ZMYM6: variants seen among roughly 807,000 people sequenced by gnomAD.
ZMYM6 encodes the protein zinc finger MYM-type protein 6.
In ZMYM6, 90 loss-of-function variants were observed where a neutral mutation model predicts 134.0. The ratio of observed to expected loss-of-function variants is 0.67; its 90% confidence interval spans 0.57 to 0.80. The LOEUF (loss-of-function observed/expected upper bound fraction) is 0.80, where lower values mean the gene tolerates loss of function less well. ZMYM6 is among the 30% of genes least tolerant of loss of function. ZMYM6 has a pLI of 0.00. For missense variants in ZMYM6, 1,362 were observed against 1,533.9 expected (o/e 0.89, Z 1.87); for synonymous variants, 481 against 524.1 (o/e 0.92, Z 1.12).
Position 35,019,664 on chromosome 1 carries a change from C to CAG in ZMYM6, c.179-63_179-62insCT, listed in dbSNP as rs1641269877. 5 of 1,449,452 alleles carry CAG rather than the reference C, an allele frequency of 3.4e-6. No individual in the cohort carries two copies. The East Asian group carries it at 1.2e-4, about 35-fold the overall frequency. The allele number at this position is 1,449,452 out of a possible 1,614,324, so 89.8% of individuals were successfully genotyped here. On this transcript the variant is annotated intron_variant, in intron 3 of 15. Transcript: ENST00000357182. ...ACTAATGCATATACAGTCTCAGTCTCTCTCTCTCTCTCTCTTTTTTCTTTT... is the reference window on the plus strand; with the variant it reads ...ACTAATGCATATACAGTCTCAGTCTCAGTCTCTCTCTCTCTCTTTTTTCTTTT...
At chr1:35,011,108 C>G in intron 8 of ZMYM6, 72 bp from the exon 9 acceptor site, 1 of 1,459,042 alleles carries the variant, frequency 6.9e-7, no homozygotes, top group South Asian at 1.3e-5. Flanking sequence ...TTCATTTCCT[C>G]ATTTTAATAA....
chr1:35,019,024 A>G, intron 4 of ZMYM6: 2 of 472,974 alleles, frequency 4.2e-6, no homozygotes, highest in Non-Finnish European at 7.4e-6. Context: ...TTTATGCTAT[A>G]CCCAATAGCT....
intron 2 of ZMYM6, among the ~76,000 whole-genome samples, chr1:35,023,893 A>T (rs1641358049): frequency 6.6e-6 from 1 of 152,142 alleles, no homozygotes; most frequent in Admixed American, 6.5e-5. Context: ...AAGTGCTGGG[A>T]TTATAGGCAT....
At chr1:35,009,263 C>T (rs1386232656) in intron 10 of ZMYM6, among the ~76,000 whole-genome samples, 2 of 152,088 alleles carry the variant, frequency 1.3e-5, no homozygotes, top group Non-Finnish European at 2.9e-5. Context: ...GCCACCACAC[C>T]CAGCTAATTT....
At chr1:35,012,825 A>G (rs1297279256) in intron 6 of ZMYM6, 1 of 985,240 alleles carries the variant, frequency 1.0e-6, no homozygotes, top group Non-Finnish European at 1.2e-6. Flanking sequence ...ATGAATTCAA[A>G]CACAAGTAAT....
At chr1:35,020,568 C>CTTTTTT (rs942213398) in intron 2 of ZMYM6, 101 bp from the exon 3 acceptor site, 16 of 241,456 alleles carry the variant, frequency 6.6e-5, no homozygotes, top group Admixed American at 3.4e-4. Context: ...TATTCATCTC[C>CTTTTTT]TTTTTTTTTT....
rs1214776332 is a variant in ZMYM6 at position 34,988,592 on chromosome 1, T to C, written c.2490A>G (p.Lys830=). 3 of 1,550,900 alleles carry C rather than the reference T, an allele frequency of 1.9e-6. No homozygotes were observed. Among genetic ancestry groups the C allele is most frequent in the Non-Finnish European group, 2.6e-6 (3 of 1,146,858 alleles). ...KCLLVEKSLV[K]ASYLIAFQTA... Reference sequence around the variant, plus strand: ...TTTGGAAAGCAATTAAATAAGAAGCTTTCACAAGTGACTTTTCAACTAGTA... The same window carrying C: ...TTTGGAAAGCAATTAAATAAGAAGCCTTCACAAGTGACTTTTCAACTAGTA... Residue 830 remains lysine (K), a synonymous_variant, in exon 16 of 16, where the codon AAA becomes AAG. Coordinates refer to ENST00000357182, the MANE Select transcript of ZMYM6 (RefSeq NM_007167.4).
At position 35,014,777 on chromosome 1, in the gene ZMYM6, C is replaced by T. The variant is rs372401283; in HGVS notation, c.715G>A (p.Gly239Arg). Reference protein sequence around the residue: ...NLTMNCCENCGSYCYSSSGPC... With the variant: ...NLTMNCCENCRSYCYSSSGPC... The stretch of plus-strand genomic sequence containing the variant: ...CCAGAGCTACTATAGCAATAGCTCC[C>T]ACAGTTCTCACAACAGTTCATGGTG... Residue 239 changes from glycine (G) to arginine (R), a missense_variant, in exon 6 of 16, where the codon GGG becomes AGG. Around this residue, in one of 3 missense-constraint regions of ZMYM6, gnomAD observed 503 missense variants for 520.8 expected, o/e 0.97. Coordinates refer to ENST00000357182, the MANE Select transcript of ZMYM6 (RefSeq NM_007167.4). 1 of 1,614,170 alleles carries T rather than the reference C, an allele frequency of 6.2e-7. No individual in the cohort carries two copies. The highest frequency in any genetic ancestry group is 8.5e-7 in the Non-Finnish European group (1 of 1,180,044).
At position 34,987,498 on chromosome 1, in the gene ZMYM6, GAA is replaced by G; in HGVS notation, c.3582_3583del (p.Gln1196SerfsTer4). ...TGGAAAACAGTCACTGAACACTTGAGAAAGTCCTTCCAGGTGCTCAAAAATAA... is the reference window on the plus strand; with the variant it reads ...TGGAAAACAGTCACTGAACACTTGAGAGTCCTTCCAGGTGCTCAAAAATAA... On this transcript the variant is annotated frameshift_variant, in exon 16 of 16. Coordinates refer to ENST00000357182, the MANE Select transcript of ZMYM6 (RefSeq NM_007167.4). LOFTEE classifies it high-confidence loss of function. 16 of 1,613,228 alleles carry G rather than the reference GAA, an allele frequency of 9.9e-6. No individual in the cohort carries two copies. The highest frequency in any genetic ancestry group is 1.4e-5 in the Non-Finnish European group (16 of 1,179,536).
intron 10 of ZMYM6, among the ~76,000 whole-genome samples, chr1:35,009,351 C>T (rs898944524): frequency 1.3e-5 from 2 of 152,156 alleles, no homozygotes; most frequent in East Asian, 3.9e-4. Flanking sequence ...TGATCTGGCT[C>T]GCCTTGGCCT....
At chr1:35,022,799 A>G (rs1278481166) in intron 2 of ZMYM6, among the ~76,000 whole-genome samples, 1 of 152,194 alleles carries the variant, frequency 6.6e-6, no homozygotes, top group Non-Finnish European at 1.5e-5. Flanking sequence ...TAGACTAAAA[A>G]GATCACATCC....
At chr1:35,019,705 C>CAGA in intron 3 of ZMYM6, 103 bp from the exon 4 acceptor site, 2 of 1,352,184 alleles carry the variant, frequency 1.5e-6, no homozygotes, top group Non-Finnish European at 9.8e-7. Context: ...GACACGGTCT[C>CAGA]ACTGTCACCC....
chr1:35,014,236 GT>G (rs1308406853), intron 6 of ZMYM6, among the ~76,000 whole-genome samples: 1 of 152,074 alleles, frequency 6.6e-6, no homozygotes, highest in East Asian at 1.9e-4. Flanking sequence ...CTTGCTTATG[GT>G]TTATTTATAA....
chr1:34,992,720 A>T (rs28436613), intron 14 of ZMYM6, among the ~76,000 whole-genome samples: 4,209 of 106,714 alleles, frequency 0.039, 763 homozygotes, highest in African/African-American at 0.28. Flanking sequence ...AAACTATAAA[A>T]ATAAAAATAT....
chr1:35,009,405 A>G (rs1228242809), intron 10 of ZMYM6, among the ~76,000 whole-genome samples: 1 of 152,100 alleles, frequency 6.6e-6, no homozygotes, highest in African/African-American at 2.4e-5. Context: ...GCGCCCTGCC[A>G]CCACCTTTTA....
chr1:35,008,426 C>T (rs1271115038), intron 11 of ZMYM6, among the ~76,000 whole-genome samples: 8 of 152,118 alleles, frequency 5.3e-5, no homozygotes, highest in Non-Finnish European at 1.2e-4. Flanking sequence ...CTTCAAATTC[C>T]TCAGAGTAAC....
At chr1:34,992,105 T>C in intron 15 of ZMYM6, 129 bp downstream of exon 15, 1 of 1,193,138 alleles carries the variant, frequency 8.4e-7, no homozygotes, top group Non-Finnish European at 1.2e-6. Flanking sequence ...ATTCAAAGCA[T>C]GTGATCCAAG....
At chr1:35,012,992 A>C in intron 6 of ZMYM6, 1 of 981,210 alleles carries the variant, frequency 1.0e-6, no homozygotes, top group African/African-American at 1.7e-5. Flanking sequence ...CTTTAGCAGG[A>C]GATAGAAATG....
chr1:35,010,699 C>T, intron 9 of ZMYM6, 59 bp downstream of exon 9: 1 of 1,538,712 alleles, frequency 6.5e-7, no homozygotes, highest in Non-Finnish European at 8.7e-7. Flanking sequence ...AAATTGAAAA[C>T]ACAAAAGTGT....
Sources: allele counts gnomAD v4.1 joint callset (sites outside exome capture counted in the v4.1 genomes callset), GRCh38; gene constraint gnomAD v4.1.1; regional missense constraint gnomAD v4.1.1; transcripts MANE v1.5; gene names NCBI Gene and HGNC (gene_info 2026-07-23, HGNC 2026-07-21).